Variants in PCDHA7 observed in about 807,000 individuals in gnomAD.
PCDHA7 encodes protocadherin alpha-7.
A neutral mutation model predicts 57.2 loss-of-function variants in PCDHA7; 37 were observed. The ratio of observed to expected loss-of-function variants is 0.65; its 90% CI spans 0.50 to 0.85. The LOEUF (loss-of-function observed/expected upper bound fraction) is 0.85. Among genes scored for constraint, PCDHA7 ranks in the 40% least tolerant of loss-of-function variants. PCDHA7 has a pLI of 0.00. For synonymous variants in PCDHA7, 553 were observed against 558.8 expected (o/e 0.99, Z 0.15); for missense variants, 1,188 against 1,241.8 (o/e 0.96, Z 0.65).
At chr5:140,841,815 ACTC>A in intron 1 of PCDHA7, 1 of 1,613,826 alleles carries the variant, frequency 6.2e-7, no homozygotes, top group Non-Finnish European at 8.5e-7. Flanking sequence ...GTTGGAGCTA[ACTC>A]CGTGTTAACC....
At chr5:140,967,056 G>C in intron 1 of PCDHA7, 1 of 1,612,712 alleles carries the variant, frequency 6.2e-7, no homozygotes, top group Non-Finnish European at 8.5e-7. Flanking sequence ...CTGACGAGTG[G>C]AGCGCTCTTC....
At chr5:140,870,389 G>A (rs1262225558) in intron 1 of PCDHA7, 1 of 1,614,132 alleles carries the variant, frequency 6.2e-7, no homozygotes, top group Non-Finnish European at 8.5e-7. Context: ...GCGCGGGATG[G>A]GGGTTCGCCT....
intron 3 of PCDHA7, among the ~76,000 whole-genome samples, chr5:141,005,068 A>C (rs1314916800): frequency 6.6e-6 from 1 of 152,256 alleles, no homozygotes. Flanking sequence ...GCATTGTGCT[A>C]AGGATCAAGC....
chr5:140,994,156 C>T (rs926993777), intron 3 of PCDHA7, among the ~76,000 whole-genome samples: 25 of 152,124 alleles, frequency 1.6e-4, no homozygotes, highest in African/African-American at 4.1e-4. Context: ...GTAGGGTCAA[C>T]GAAGGGGAAG....
At chr5:140,868,949 G>A (rs2050751465) in intron 1 of PCDHA7, 1 of 1,302,330 alleles carries the variant, frequency 7.7e-7, no homozygotes, top group Non-Finnish European at 1.0e-6. Context: ...GAACAGTGAG[G>A]CACTCCCATA....
At chr5:140,937,844 G>A (rs926736710) in intron 1 of PCDHA7, among the ~76,000 whole-genome samples, 7 of 149,606 alleles carry the variant, frequency 4.7e-5, no homozygotes, top group Non-Finnish European at 8.9e-5. Context: ...CCTGGAAGGC[G>A]GAACTTGGAG....
chr5:140,858,566 G>A (rs2045486949), intron 1 of PCDHA7: 1 of 1,375,796 alleles, frequency 7.3e-7, no homozygotes, highest in African/African-American at 1.4e-5. Context: ...TATTTCTAGT[G>A]ATACCTTTGT....
intron 1 of PCDHA7, among the ~76,000 whole-genome samples, chr5:140,917,197 C>T (rs928492760): frequency 2.6e-5 from 4 of 152,236 alleles, no homozygotes; most frequent in African/African-American, 7.2e-5. Flanking sequence ...TCTCTCCAAC[C>T]CTCTTCAATG....
chr5:140,843,064 G>T (rs2150351494), intron 1 of PCDHA7: 2 of 1,595,268 alleles, frequency 1.3e-6, no homozygotes, highest in Non-Finnish European at 1.7e-6. Context: ...GCAAGCTGGT[G>T]CCGCGGTCTG....
At chr5:140,941,191 T>TTTTCTTTCTTTCTTTC (rs1217097209) in intron 1 of PCDHA7, among the ~76,000 whole-genome samples, 1 of 93,206 alleles carries the variant, frequency 1.1e-5, no homozygotes, top group Admixed American at 1.2e-4. Flanking sequence ...GCTTCTTTTT[T>TTTTCTTTCTTTCTTTC]TTTCTTTCTT....
chr5:140,882,777 A>G (rs2059309071), intron 1 of PCDHA7: 1 of 1,614,096 alleles, frequency 6.2e-7, no homozygotes, highest in Non-Finnish European at 8.5e-7. Context: ...GCATTGACCT[A>G]CCGACTGGAT....
At position 140,848,233 on chromosome 5, in the gene PCDHA7, TAA is replaced by T. The variant is rs1363334655; in HGVS notation, c.2355+11496_2355+11497del. The stretch of plus-strand genomic sequence containing the variant: ...TTAAGAAAAAATTAAGAAAATGAAA[TAA>T]GTTTTGCAGAATAACTGTGAAATTT... On this transcript the variant is annotated intron_variant, in intron 1 of 3. Transcript: ENST00000525929. The T allele has an allele frequency of 7.5e-5, 31 of 410,834 alleles. 1 individual carries two copies. Among genetic ancestry groups the T allele is most frequent in the Middle Eastern group, 1.3e-3 (2 of 1,546 alleles). 25.4% of individuals were successfully genotyped at this position (410,834 alleles called of 1,614,324 possible).
chr5:140,854,718 A>G (rs1417789198), intron 1 of PCDHA7: 1 of 149,960 alleles, frequency 6.7e-6, no homozygotes, highest in Non-Finnish European at 1.5e-5. Flanking sequence ...AAAGACAGAA[A>G]ACTCAAGTTT....
chr5:140,949,958 T>G (rs1192385409), intron 1 of PCDHA7, among the ~76,000 whole-genome samples: 1 of 151,896 alleles, frequency 6.6e-6, no homozygotes, highest in Non-Finnish European at 1.5e-5. Context: ...GTGGTTGCTG[T>G]AAGGATTACA....
At chr5:140,883,387 T>C in intron 1 of PCDHA7, 1 of 1,614,150 alleles carries the variant, frequency 6.2e-7, no homozygotes, top group Non-Finnish European at 8.5e-7. Flanking sequence ...CCCTAATCAG[T>C]GTGTCCGATC....
At chr5:140,965,951 T>C (rs1484541931) in intron 1 of PCDHA7, among the ~76,000 whole-genome samples, 3 of 152,172 alleles carry the variant, frequency 2.0e-5, no homozygotes, top group East Asian at 1.9e-4. Flanking sequence ...GCATTTGCCA[T>C]CCCCCTCCTT....
chr5:140,851,517 A>C (rs1290684198), intron 1 of PCDHA7: 5 of 904,746 alleles, frequency 5.5e-6, no homozygotes, highest in Non-Finnish European at 4.0e-6. Flanking sequence ...AATATGTTTT[A>C]AAATGCCTGA....
At position 140,992,017 on chromosome 5, in the gene PCDHA7, CTGTGTGTG is replaced by C. The variant is rs10602499; in HGVS notation, c.2503+9484_2503+9491del. On this transcript the variant is annotated intron_variant, in intron 3 of 3. Coordinates refer to ENST00000525929, the MANE Select transcript of PCDHA7 (RefSeq NM_018910.3). ...CTTTCATGTTCAGGCAGAGGTGGCT[CTGTGTGTG>C]TGTGTGTGTGTGTGTGTGTGTGTGT... Among the ~76,000 whole-genome samples the C allele has an allele frequency of 9.8e-4, 142 of 145,616 alleles. No homozygotes were observed. The East Asian group carries it at 1.0e-2, about 10-fold the overall frequency.
chr5:140,963,288 G>A (rs908553196), intron 1 of PCDHA7, among the ~76,000 whole-genome samples: 2 of 152,126 alleles, frequency 1.3e-5, no homozygotes, highest in Non-Finnish European at 2.9e-5. Flanking sequence ...ATTTTATAAG[G>A]AGGAGAGAAA....
Sources: allele counts gnomAD v4.1 joint callset (sites outside exome capture counted in the v4.1 genomes callset), GRCh38; gene constraint gnomAD v4.1.1; transcripts MANE v1.5; gene names NCBI Gene and HGNC (gene_info 2026-07-23, HGNC 2026-07-21).